The following CNBD1 variants were observed in gnomAD, a reference collection of about 807,000 sequenced individuals.
CNBD1 encodes cyclic nucleotide binding domain containing 1.
Under a neutral mutation model 54.4 loss-of-function variants are expected in CNBD1, and 71 were observed. The ratio of observed to expected loss-of-function variants is 1.30; its 90% CI spans 1.08 to 1.59. The LOEUF (loss-of-function observed/expected upper bound fraction) is 1.59, where lower values mean the gene tolerates loss of function less well. CNBD1 is among the 40% of genes most tolerant of loss of function. The pLI is 0.00. For missense variants in CNBD1, 659 were observed against 518.0 expected (o/e 1.27, Z -2.64); for synonymous variants, 182 against 170.7 (o/e 1.07, Z -0.51).
At chr8:87,332,159 C>T (rs200457886) in intron 8 of CNBD1, among the ~76,000 whole-genome samples, 1 of 152,044 alleles carries the variant, frequency 6.6e-6, no homozygotes, top group Non-Finnish European at 1.5e-5. Flanking sequence ...ATCAGCCTGG[C>T]CAACATGGGG....
intron 6 of CNBD1, among the ~76,000 whole-genome samples, chr8:87,253,911 C>A (rs909955225): frequency 1.3e-5 from 2 of 152,014 alleles, no homozygotes; most frequent in Admixed American, 1.3e-4. Context: ...AAAATCAACA[C>A]GTATAGGATG....
rs140779177 is a variant in CNBD1, at chr8:87,214,237, G to A, written c.577+8099G>A. ...CTTTTAAAACTGAATGCTTTTAACA[G>A]CACCCAAGTCACCTCTTGAATGCTT... On this transcript the variant is annotated intron_variant, in intron 5 of 10. Transcript: ENST00000518476. 4.8e-3 allele frequency among the ~76,000 whole-genome samples: 736 copies of A among 152,252 alleles called. 6 individuals carry two copies. Among genetic ancestry groups the A allele is most frequent in the African/African-American group, 0.017 (704 of 41,546 alleles).
intron 3 of CNBD1, among the ~76,000 whole-genome samples, chr8:86,908,995 A>G (rs1476032246): frequency 6.6e-6 from 1 of 152,108 alleles, no homozygotes; most frequent in Non-Finnish European, 1.5e-5. Context: ...TGACCTCGTG[A>G]TCTGCCCGCC....
intron 8 of CNBD1, among the ~76,000 whole-genome samples, chr8:87,315,023 C>T (rs193291482): frequency 2.6e-5 from 4 of 151,856 alleles, no homozygotes; most frequent in Admixed American, 2.6e-4. Flanking sequence ...AATGTCTACA[C>T]GGAAAATTTA....
chr8:87,385,265 G>A (rs1196224684), downstream of CNBD1, among the ~76,000 whole-genome samples: 4 of 152,090 alleles, frequency 2.6e-5, no homozygotes, highest in African/African-American at 4.8e-5. Context: ...AGTGTTGGAC[G>A]GTGGGTGCAG....
intron 10 of CNBD1, among the ~76,000 whole-genome samples, chr8:87,380,979 C>T (rs563301602): frequency 2.0e-5 from 3 of 151,924 alleles, no homozygotes; most frequent in Non-Finnish European, 4.4e-5. Context: ...TCACATTTGT[C>T]TTGGCAATGA....
At chr8:86,936,356 A>G (rs1455757403) in intron 3 of CNBD1, among the ~76,000 whole-genome samples, 3 of 152,210 alleles carry the variant, frequency 2.0e-5, no homozygotes, top group Non-Finnish European at 4.4e-5. Flanking sequence ...CAGAAATATT[A>G]TCACACATAC....
intron 10 of CNBD1, among the ~76,000 whole-genome samples, chr8:87,372,027 AG>A: frequency 6.6e-6 from 1 of 152,120 alleles, no homozygotes; most frequent in South Asian, 2.1e-4. Flanking sequence ...GTATTCAATT[AG>A]GAAAAGAGGA....
chr8:87,423,936 T>C (rs182824180), intron 2 of CNBD1, among the ~76,000 whole-genome samples: 1,956 of 152,338 alleles, frequency 0.013, 49 homozygotes, highest in African/African-American at 0.044. Context: ...AGCTATTGAT[T>C]ATTGCCACAA....
intron 3 of CNBD1, among the ~76,000 whole-genome samples, chr8:86,908,983 C>T (rs1343371578): frequency 6.6e-6 from 1 of 152,108 alleles, no homozygotes; most frequent in Non-Finnish European, 1.5e-5. Flanking sequence ...GTCTGGATCT[C>T]TTGACCTCGT....
intron 2 of CNBD1, among the ~76,000 whole-genome samples, chr8:87,412,233 A>G (rs1339048178): frequency 6.6e-6 from 1 of 152,106 alleles, no homozygotes; most frequent in Admixed American, 6.6e-5. Context: ...ATCATCATCT[A>G]ACATCCAAAT....
At position 87,353,926 on chromosome 8, in the gene CNBD1, C is replaced by T. The variant is rs1810362389; in HGVS notation, c.1303+140C>T. On this transcript the variant is annotated intron_variant, in intron 10 of 10. Coordinates refer to ENST00000518476, the MANE Select transcript of CNBD1 (RefSeq NM_173538.3). ...GCAAAGGATGGAGTATTTGCATAAT[C>T]TCCTCCAGATCATTTCTCTCTTGGT... The T allele has an allele frequency of 2.1e-5, 12 of 564,692 alleles. No homozygotes were observed. In the South Asian group the frequency reaches 3.4e-4, roughly 16 times the overall value. 35.0% of individuals were successfully genotyped at this position (564,692 alleles called of 1,614,324 possible).
At chr8:87,342,705 G>T (rs1350656838) in intron 8 of CNBD1, among the ~76,000 whole-genome samples, 1 of 152,092 alleles carries the variant, frequency 6.6e-6, no homozygotes, top group Non-Finnish European at 1.5e-5. Flanking sequence ...TACAAAATCA[G>T]CAGGTTTTTA....
At chr8:87,000,156 G>A (rs1324262303) in intron 4 of CNBD1, among the ~76,000 whole-genome samples, 8 of 152,102 alleles carry the variant, frequency 5.3e-5, no homozygotes, top group African/African-American at 1.4e-4. Context: ...TATGCTGAGA[G>A]AGGGACCCAG....
intron 6 of CNBD1, among the ~76,000 whole-genome samples, chr8:87,273,426 C>T (rs1808409050): frequency 2.0e-5 from 3 of 151,892 alleles, no homozygotes; most frequent in Admixed American, 1.3e-4. Context: ...GACTGTTGTT[C>T]CAGTCAATGC....
At chr8:87,269,506 G>T (rs1029502106) in intron 6 of CNBD1, among the ~76,000 whole-genome samples, 8 of 152,018 alleles carry the variant, frequency 5.3e-5, no homozygotes, top group African/African-American at 1.9e-4. Flanking sequence ...TAATTGCTTT[G>T]GGCCGTATGG....
At chr8:87,274,100 T>C (rs1284650583) in intron 6 of CNBD1, among the ~76,000 whole-genome samples, 1 of 152,092 alleles carries the variant, frequency 6.6e-6, no homozygotes, top group Non-Finnish European at 1.5e-5. Context: ...AGACATGAGC[T>C]CATCATTTTT....
At chr8:86,946,324 C>T (rs777904732) in intron 4 of CNBD1, among the ~76,000 whole-genome samples, 22 of 151,984 alleles carry the variant, frequency 1.4e-4, no homozygotes, top group Middle Eastern at 3.4e-3. Flanking sequence ...CAAAGTTGCC[C>T]GGAAAATTTT....
At chr8:87,190,520 T>G (rs2130785069) in intron 4 of CNBD1, among the ~76,000 whole-genome samples, 1 of 152,268 alleles carries the variant, frequency 6.6e-6, no homozygotes, top group Non-Finnish European at 1.5e-5. Flanking sequence ...CGCTCCGAGT[T>G]CAATGTCTTA....
Sources: gnomAD v4.1 joint callset for allele counts (sites outside exome capture counted in the v4.1 genomes callset) on GRCh38, gnomAD v4.1.1 for gene constraint, MANE v1.5 for transcripts, NCBI Gene and HGNC (gene_info 2026-07-23, HGNC 2026-07-21) for gene names.